Variants in AGBL1 observed in about 807,000 individuals in gnomAD.
AGBL1 encodes AGBL carboxypeptidase 1.
AGBL1 carries 130 observed loss-of-function variants against 118.9 expected under a neutral mutation model. The ratio of observed to expected loss-of-function variants is 1.09; its 90% CI spans 0.95 to 1.26. The LOEUF is 1.26. Ranked by LOEUF, AGBL1 falls within the 50% of genes most tolerant of loss-of-function variation. AGBL1 has a pLI of 0.00. For synonymous variants in AGBL1, 555 were observed against 478.9 expected, an observed-to-expected ratio of 1.16 and a Z score of -2.08; for missense variants, 1,584 against 1,298.1, an observed-to-expected ratio of 1.22 and a Z score of -3.38.
At chr15:86,374,507 TA>T (rs897788344) in intron 17 of AGBL1, among the ~76,000 whole-genome samples, 20 of 152,200 alleles carry the variant, frequency 1.3e-4, no homozygotes, top group Non-Finnish European at 2.6e-4. Flanking sequence ...CATTTTGATT[TA>T]TCTGCTTTCC....
chr15:86,419,724 T>A (rs1055316320), intron 18 of AGBL1, among the ~76,000 whole-genome samples: 1 of 152,224 alleles, frequency 6.6e-6, no homozygotes, highest in Non-Finnish European at 1.5e-5. Context: ...CTTGAAATTC[T>A]CGCTGCCAGC....
chr15:86,710,719 T>A (rs1293892803), intron 22 of AGBL1, among the ~76,000 whole-genome samples: 1 of 152,178 alleles, frequency 6.6e-6, no homozygotes, highest in Non-Finnish European at 1.5e-5. Flanking sequence ...AATAGTCAAG[T>A]GGCAATAGAC....
intron 16 of AGBL1, among the ~76,000 whole-genome samples, chr15:86,283,905 A>G (rs1452059278): frequency 1.3e-5 from 2 of 152,092 alleles, no homozygotes; most frequent in Non-Finnish European, 2.9e-5. Context: ...ATTTTAGTCT[A>G]GGTGTTGTGT....
At chr15:86,302,043 A>G (rs2079755281) in intron 17 of AGBL1, among the ~76,000 whole-genome samples, 1 of 151,996 alleles carries the variant, frequency 6.6e-6, no homozygotes, top group African/African-American at 2.4e-5. Flanking sequence ...CCATGATCCT[A>G]CCCTCTTCAG....
intron 22 of AGBL1, among the ~76,000 whole-genome samples, chr15:86,765,604 G>C (rs1234976043): frequency 1.3e-5 from 2 of 151,972 alleles, no homozygotes; most frequent in Admixed American, 1.3e-4. Flanking sequence ...GGAGCTTTAA[G>C]GGGGAGAGAC....
chr15:86,190,006 G>A (rs2077694168), intron 5 of AGBL1, among the ~76,000 whole-genome samples: 1 of 152,158 alleles, frequency 6.6e-6, no homozygotes, highest in Admixed American at 6.5e-5. Flanking sequence ...GTCCTAAAGG[G>A]TGCAGGCATT....
intron 22 of AGBL1, among the ~76,000 whole-genome samples, chr15:86,901,510 C>G (rs2080211822): frequency 6.6e-6 from 1 of 151,928 alleles, no homozygotes. Context: ...TTCTATTGCA[C>G]TATATTTTTA....
At chr15:86,867,107 G>T (rs16978050) in intron 22 of AGBL1, among the ~76,000 whole-genome samples, 23,968 of 151,954 alleles carry the variant, frequency 0.16, 1,989 homozygotes, top group South Asian at 0.24. Context: ...GAGGGGTCAT[G>T]TCATAAACAC....
chr15:86,704,668 T>C (rs2142658863), intron 22 of AGBL1, among the ~76,000 whole-genome samples: 1 of 152,264 alleles, frequency 6.6e-6, no homozygotes, highest in South Asian at 2.1e-4. Flanking sequence ...ACAGGAACGC[T>C]TTTACATTGT....
chr15:86,801,159 C>G (rs1306126014), intron 22 of AGBL1, among the ~76,000 whole-genome samples: 1 of 152,006 alleles, frequency 6.6e-6, no homozygotes, highest in Middle Eastern at 3.2e-3. Context: ...GTTGCCTTTT[C>G]CTGTAGTAGC....
chr15:86,911,896 T>C lies in AGBL1; in HGVS notation c.*4602T>C, dbSNP rs2080357055. On this transcript the variant is annotated 3_prime_UTR_variant, in exon 23 of 23. Transcript: ENST00000614907. Reference sequence around the variant, plus strand: ...TATACTATGCTTATTTTTAACTTGATAAATATGTCTTTTATACCCACACCC... The same window carrying C: ...TATACTATGCTTATTTTTAACTTGACAAATATGTCTTTTATACCCACACCC... 1.3e-5 allele frequency: 2 copies of C among 152,144 alleles called. No individual in the cohort carries two copies. The highest frequency in any genetic ancestry group is 4.8e-5 in the African/African-American group (2 of 41,412). The allele number at this position is 152,144 out of a possible 1,614,324, so 9.4% of individuals were successfully genotyped here. A position where few individuals can be genotyped will look rare whatever the true frequency, so the allele number is the denominator to read the frequency against.
intron 22 of AGBL1, among the ~76,000 whole-genome samples, chr15:86,767,115 CT>C (rs2141281450): frequency 6.6e-6 from 1 of 152,106 alleles, no homozygotes; most frequent in South Asian, 2.1e-4. Context: ...TAAGTATCAA[CT>C]TTTAAAAAAC....
intron 21 of AGBL1, among the ~76,000 whole-genome samples, chr15:86,661,374 C>CG: frequency 6.6e-6 from 1 of 151,880 alleles, no homozygotes; most frequent in East Asian, 1.9e-4. Context: ...TCAGACCATG[C>CG]TTTTTTTCCC....
At chr15:86,286,271 C>T (rs967192233) in intron 16 of AGBL1, among the ~76,000 whole-genome samples, 8 of 151,972 alleles carry the variant, frequency 5.3e-5, no homozygotes, top group Non-Finnish European at 7.4e-5. Context: ...GACCAATAAA[C>T]GTATCTATCA....
intron 23 of AGBL1, among the ~76,000 whole-genome samples, chr15:86,943,288 T>G (rs1275904372): frequency 6.6e-6 from 1 of 152,236 alleles, no homozygotes; most frequent in East Asian, 1.9e-4. Context: ...CTGGAAACTT[T>G]GTGTGGACTT....
At chr15:86,325,188 T>C (rs1322731985) in intron 17 of AGBL1, among the ~76,000 whole-genome samples, 1 of 152,178 alleles carries the variant, frequency 6.6e-6, no homozygotes, top group Non-Finnish European at 1.5e-5. Flanking sequence ...CACGGAGTGA[T>C]TTTTGTAATA....
At chr15:86,570,598 C>T (rs1046236318) in intron 21 of AGBL1, among the ~76,000 whole-genome samples, 1 of 152,176 alleles carries the variant, frequency 6.6e-6, no homozygotes, top group African/African-American at 2.4e-5. Flanking sequence ...TGTTAATGAG[C>T]ATATAATGAC....
rs117749642 is a variant in AGBL1 at position 86,886,628 on chromosome 15, A to G, written c.3159-20459A>G. ...GGACCATACGGTGAATAAATGCATTAAAATCAAATGGGTAATTATTTCTAA... is the reference window on the plus strand; with the variant it reads ...GGACCATACGGTGAATAAATGCATTGAAATCAAATGGGTAATTATTTCTAA... On this transcript the variant is annotated intron_variant, in intron 22 of 22. Coordinates refer to ENST00000614907, the MANE Select transcript of AGBL1 (RefSeq NM_001386094.1). Among the ~76,000 whole-genome samples, 49 of 152,324 alleles carry G rather than the reference A, an allele frequency of 3.2e-4. 1 individual carries two copies. The East Asian group carries it at 8.5e-3, about 26-fold the overall frequency.
intron 23 of AGBL1, among the ~76,000 whole-genome samples, chr15:86,948,773 A>C (rs2080850633): frequency 6.6e-6 from 1 of 152,258 alleles, no homozygotes; most frequent in South Asian, 2.1e-4. Flanking sequence ...ATGTAGCATG[A>C]GGAAGAGAAA....
Sources: gnomAD v4.1 joint callset for allele counts (sites outside exome capture counted in the v4.1 genomes callset) on GRCh38, gnomAD v4.1.1 for gene constraint, MANE v1.5 for transcripts, NCBI Gene and HGNC (gene_info 2026-07-23, HGNC 2026-07-21) for gene names.